Variants in PACRG observed in about 807,000 individuals in gnomAD.
The protein encoded by PACRG is parkin coregulated.
Under a neutral mutation model 29.7 loss-of-function variants are expected in PACRG, and 29 were observed. The observed-to-expected ratio is 0.98, with a 90% CI of 0.73 to 1.33. PACRG has a LOEUF of 1.33. Among genes scored for constraint, PACRG ranks in the 40% most tolerant of loss-of-function variants. The pLI is 0.00. For missense variants in PACRG, 279 were observed against 316.2 expected (o/e 0.88, Z 0.89); for synonymous variants, 116 against 118.7 (o/e 0.98, Z 0.15).
intron 2 of PACRG, among the ~76,000 whole-genome samples, chr6:163,010,752 G>A (rs566053999): frequency 1.3e-5 from 2 of 152,318 alleles, no homozygotes; most frequent in South Asian, 2.1e-4. Context: ...TATCAGGCAC[G>A]GTGCTGGGCA....
chr6:162,996,471 T>G (rs1345869512), intron 2 of PACRG, among the ~76,000 whole-genome samples: 2 of 152,002 alleles, frequency 1.3e-5, no homozygotes, highest in African/African-American at 4.8e-5. Flanking sequence ...CCAAAACCAT[T>G]ATACACAAAG....
In PACRG at chr6:163,291,218, C is replaced by A. The variant is rs867183129; in HGVS notation, c.614-23609C>A. Among the ~76,000 whole-genome samples, 939 of 132,240 alleles carry A rather than the reference C, an allele frequency of 7.1e-3. 1 individual carries two copies. The highest frequency in any genetic ancestry group is 8.6e-3 in the Middle Eastern group (2 of 232). The allele number at this position is 132,240 out of a possible 152,430, so 86.8% of individuals were successfully genotyped here. Reference sequence around the variant, plus strand: ...GCCTGCGGGTCACCCTGCAAGATGTCCCCTCTGCCCGCCAGAGCTGGCCTG... The same window carrying A: ...GCCTGCGGGTCACCCTGCAAGATGTACCCTCTGCCCGCCAGAGCTGGCCTG... On this transcript the variant is annotated intron_variant, in intron 4 of 4. Transcript: ENST00000366888.
intron 2 of PACRG, among the ~76,000 whole-genome samples, chr6:162,865,167 C>T (rs1315760739): frequency 6.6e-6 from 1 of 152,156 alleles, no homozygotes; most frequent in Non-Finnish European, 1.5e-5. Context: ...CTGCGGCTCT[C>T]AATGATAATT....
At chr6:163,242,708 G>A (rs1782548056) in intron 4 of PACRG, among the ~76,000 whole-genome samples, 2 of 152,304 alleles carry the variant, frequency 1.3e-5, no homozygotes, top group South Asian at 2.1e-4. Flanking sequence ...AATTAAATAT[G>A]TGTAAGCCAC....
chr6:163,200,429 G>T lies in PACRG; in HGVS notation c.613+111021G>T, dbSNP rs541738219. ...CTACTCCATGATCTAGACCATTTGCGTGACCTCGCGCAAAGGCAACAGTAC... is the reference window on the plus strand; with the variant it reads ...CTACTCCATGATCTAGACCATTTGCTTGACCTCGCGCAAAGGCAACAGTAC... On this transcript the variant is annotated intron_variant, in intron 4 of 4. Coordinates refer to ENST00000366888, the MANE Select transcript of PACRG (RefSeq NM_001080379.2). Among the ~76,000 whole-genome samples, 6 of 152,156 alleles carry T rather than the reference G, an allele frequency of 3.9e-5. No individual in the cohort carries two copies. The South Asian group carries it at 1.2e-3, about 32-fold the overall frequency.
At chr6:163,017,046 C>T (rs1806173599) in intron 2 of PACRG, among the ~76,000 whole-genome samples, 1 of 152,032 alleles carries the variant, frequency 6.6e-6, no homozygotes, top group Admixed American at 6.5e-5. Flanking sequence ...TAGAAATACA[C>T]TCATGAAGGA....
chr6:162,901,558 T>G (rs1795560910), intron 2 of PACRG, among the ~76,000 whole-genome samples: 1 of 152,076 alleles, frequency 6.6e-6, no homozygotes, highest in African/African-American at 2.4e-5. Context: ...TTTCAAAGAG[T>G]AAGCTAAACA....
chr6:162,845,028 C>T (rs60863772), intron 2 of PACRG, among the ~76,000 whole-genome samples: 427 of 151,976 alleles, frequency 2.8e-3, no homozygotes, highest in African/African-American at 9.1e-3. Context: ...CAAATAATCT[C>T]GTATCTTAGG....
intron 2 of PACRG, among the ~76,000 whole-genome samples, chr6:162,877,652 A>C (rs972125183): frequency 3.9e-5 from 6 of 152,188 alleles, no homozygotes; most frequent in African/African-American, 1.4e-4. Context: ...AGAGGAAAAA[A>C]AATTCAGGAG....
At chr6:163,238,688 T>G (rs1782342293) in intron 4 of PACRG, among the ~76,000 whole-genome samples, 1 of 152,242 alleles carries the variant, frequency 6.6e-6, no homozygotes, top group African/African-American at 2.4e-5. Flanking sequence ...TCAAGGACTT[T>G]CGTAGTCTTG....
At chr6:163,244,959 T>G in intron 4 of PACRG, 1 of 421,270 alleles carries the variant, frequency 2.4e-6, no homozygotes. Flanking sequence ...GACAAAGAAG[T>G]GAATTGTCCT....
At chr6:163,029,234 C>T (rs550558253) in intron 2 of PACRG, among the ~76,000 whole-genome samples, 54 of 152,342 alleles carry the variant, frequency 3.5e-4, no homozygotes, top group Admixed American at 1.0e-3. Flanking sequence ...CCAGCCTGAA[C>T]CAATGCAGCT....
intron 1 of PACRG, among the ~76,000 whole-genome samples, chr6:162,745,509 C>T (rs186508439): frequency 1.3e-3 from 191 of 152,092 alleles, no homozygotes; most frequent in African/African-American, 4.4e-3. Flanking sequence ...ATATAACAAA[C>T]CTGCTTGTTC....
chr6:163,276,694 G>C (rs184067050), intron 4 of PACRG, among the ~76,000 whole-genome samples: 1 of 152,156 alleles, frequency 6.6e-6, no homozygotes, highest in African/African-American at 2.4e-5. Flanking sequence ...CTGCCCTCAT[G>C]AATGATATTA....
At chr6:163,234,913 A>G (rs1323455963) in intron 4 of PACRG, among the ~76,000 whole-genome samples, 1 of 152,176 alleles carries the variant, frequency 6.6e-6, no homozygotes, top group Non-Finnish European at 1.5e-5. Context: ...CTTTTTAAAA[A>G]GTTGATTTTG....
Position 162,986,945 on chromosome 6 carries a change from A to G in PACRG, c.292-75205A>G, listed in dbSNP as rs139866441. Among the ~76,000 whole-genome samples, 5 of 151,402 alleles carry G rather than the reference A, an allele frequency of 3.3e-5. No individual in the cohort carries two copies. The East Asian group carries it at 9.7e-4, about 29-fold the overall frequency. On this transcript the variant is annotated intron_variant, in intron 2 of 4. Coordinates refer to ENST00000366888, the MANE Select transcript of PACRG (RefSeq NM_001080379.2). ...ATCCTGTATTTTTTTTCAATTTTTT[A>G]AAGTTGGCTTTCAACTTTCTCTGGT...
chr6:162,809,522 C>G (rs528597650), intron 1 of PACRG, among the ~76,000 whole-genome samples: 4 of 152,070 alleles, frequency 2.6e-5, no homozygotes, highest in East Asian at 3.9e-4. Flanking sequence ...TTATCTATAT[C>G]GATTTATGAA....
intron 4 of PACRG, among the ~76,000 whole-genome samples, chr6:163,251,929 A>C (rs776534431): frequency 6.6e-6 from 1 of 152,202 alleles, no homozygotes; most frequent in Non-Finnish European, 1.5e-5. Flanking sequence ...TGGAATAATA[A>C]TAATATCAAC....
Position 162,975,291 on chromosome 6 carries a change from G to T in PACRG, c.292-86859G>T, listed in dbSNP as rs1315253746. On this transcript the variant is annotated intron_variant, in intron 2 of 4. Transcript: ENST00000366888. ...TTATCATAGACAGTACTAATTAAAAGACAATATTGTAAATATAAACTGGCC... is the reference window on the plus strand; with the variant it reads ...TTATCATAGACAGTACTAATTAAAATACAATATTGTAAATATAAACTGGCC... Among the ~76,000 whole-genome samples, 4 of 152,266 alleles carry T rather than the reference G, an allele frequency of 2.6e-5. No individual in the cohort carries two copies. In the East Asian group the frequency reaches 7.7e-4, roughly 29 times the overall value.
Sources: gnomAD v4.1 joint callset for allele counts (sites outside exome capture counted in the v4.1 genomes callset) on GRCh38, gnomAD v4.1.1 for gene constraint, MANE v1.5 for transcripts, NCBI Gene and HGNC (gene_info 2026-07-23, HGNC 2026-07-21) for gene names.